Variants in ADAMTS16 observed in about 807,000 individuals in gnomAD.
ADAMTS16 encodes A disintegrin and metalloproteinase with thrombospondin motifs 16.
A neutral mutation model predicts 145.8 loss-of-function variants in ADAMTS16; 94 were observed. The observed-to-expected ratio is 0.64, with a 90% CI of 0.55 to 0.77. The LOEUF is 0.77. Among genes scored for constraint, ADAMTS16 ranks in the 30% least tolerant of loss-of-function variants. The pLI is 0.00. For synonymous variants in ADAMTS16, 659 were observed against 604.3 expected, an observed-to-expected ratio of 1.09 and a Z score of -1.33; for missense variants, 1,585 against 1,591.5, an observed-to-expected ratio of 1.00 and a Z score of 0.07.
At chr5:5,224,199 T>C (rs1736687582) in intron 11 of ADAMTS16, among the ~76,000 whole-genome samples, 1 of 152,170 alleles carries the variant, frequency 6.6e-6, no homozygotes, top group Admixed American at 6.5e-5. Context: ...AAATTGATCA[T>C]TGAATTCTTC....
chr5:5,214,566 C>A lies in ADAMTS16; in HGVS notation c.1605+5320C>A, dbSNP rs1736370725. On this transcript the variant is annotated intron_variant, in intron 10 of 22. Coordinates refer to ENST00000274181, the MANE Select transcript of ADAMTS16 (RefSeq NM_139056.4). ...TACAGGTGCATGCCACCATGCCTGGCTAATTTTTTGTATTTTTTGTTGAGA... is the reference window on the plus strand; with the variant it reads ...TACAGGTGCATGCCACCATGCCTGGATAATTTTTTGTATTTTTTGTTGAGA... Among the ~76,000 whole-genome samples the A allele has an allele frequency of 2.0e-5, 3 of 152,084 alleles. 1 individual carries two copies. In the South Asian group the frequency reaches 6.2e-4, roughly 32 times the overall value.
intron 3 of ADAMTS16, among the ~76,000 whole-genome samples, chr5:5,156,228 G>A (rs1032886706): frequency 8.6e-5 from 13 of 151,746 alleles, no homozygotes; most frequent in African/African-American, 2.7e-4. Context: ...CGATTTCTTT[G>A]TATAATCAAG....
chr5:5,242,218 G>A, intron 17 of ADAMTS16, 27 bp downstream of exon 17: 1 of 1,610,428 alleles, frequency 6.2e-7, no homozygotes, highest in Non-Finnish European at 8.5e-7. Context: ...GCTGCTCCTG[G>A]AGGCAGCATG....
chr5:5,145,347 G>A (rs1458764384), intron 2 of ADAMTS16, among the ~76,000 whole-genome samples: 4 of 152,092 alleles, frequency 2.6e-5, no homozygotes. Context: ...CTAGGCTCTT[G>A]AGGCCACTGG....
Position 5,239,290 on chromosome 5 carries a change from C to G in ADAMTS16, c.2278+16C>G, listed in dbSNP as rs1274850948. The stretch of plus-strand genomic sequence containing the variant: ...CACACCAACCGTGAGTACTTTAGAG[C>G]TGCCTGCAAGCCTTGGGCAAAGAAG... On this transcript the variant is annotated intron_variant, in intron 15 of 22. Coordinates refer to ENST00000274181, the MANE Select transcript of ADAMTS16 (RefSeq NM_139056.4). 3 of 1,530,504 alleles carry G rather than the reference C, an allele frequency of 2.0e-6. No individual in the cohort carries two copies. Among genetic ancestry groups the G allele is most frequent in the East Asian group, 2.3e-5 (1 of 43,444 alleles). 94.8% of individuals were successfully genotyped at this position (1,530,504 alleles called of 1,614,324 possible). A position where few individuals can be genotyped will look rare whatever the true frequency, so the allele number is the denominator to read the frequency against.
chr5:5,163,484 G>A (rs1734792061), intron 3 of ADAMTS16, among the ~76,000 whole-genome samples: 1 of 152,176 alleles, frequency 6.6e-6, no homozygotes, highest in Non-Finnish European at 1.5e-5. Flanking sequence ...TACAACTGGG[G>A]CTGGAATTTA....
intron 17 of ADAMTS16, 132 bp from the exon 18 acceptor site, chr5:5,262,525 A>T: frequency 8.0e-7 from 1 of 1,254,262 alleles, no homozygotes; most frequent in Admixed American, 2.7e-5. Flanking sequence ...ATAGTTGGCC[A>T]GTTGGTCATT....
At chr5:5,228,706 A>G (rs1736836688) in intron 11 of ADAMTS16, among the ~76,000 whole-genome samples, 1 of 152,192 alleles carries the variant, frequency 6.6e-6, no homozygotes, top group South Asian at 2.1e-4. Context: ...CTTCAAAGAG[A>G]CTTTTCTCCC....
chr5:5,181,568 C>T (rs1735340185), intron 3 of ADAMTS16, among the ~76,000 whole-genome samples: 1 of 152,162 alleles, frequency 6.6e-6, no homozygotes, highest in African/African-American at 2.4e-5. Context: ...TTACCCTTTT[C>T]TAGAAAGTGT....
At chr5:5,256,176 T>C (rs1737774233) in intron 17 of ADAMTS16, among the ~76,000 whole-genome samples, 1 of 152,234 alleles carries the variant, frequency 6.6e-6, no homozygotes, top group Admixed American at 6.5e-5. Context: ...GATTCTACTG[T>C]CCCTCATAAG....
intron 18 of ADAMTS16, among the ~76,000 whole-genome samples, chr5:5,297,487 G>T (rs6873123): frequency 0.021 from 3,252 of 152,228 alleles, 111 homozygotes; most frequent in African/African-American, 0.075. Flanking sequence ...CAGATGAGGG[G>T]TTTTTGTTGA....
intron 3 of ADAMTS16, among the ~76,000 whole-genome samples, chr5:5,153,780 C>A (rs1247813319): frequency 1.3e-5 from 2 of 152,150 alleles, no homozygotes; most frequent in African/African-American, 2.4e-5. Context: ...GGCATAAAAT[C>A]TGCATGAAAT....
At chr5:5,292,339 T>C (rs1739357730) in intron 18 of ADAMTS16, among the ~76,000 whole-genome samples, 1 of 151,532 alleles carries the variant, frequency 6.6e-6, no homozygotes, top group East Asian at 1.9e-4. Flanking sequence ...CTACTAAAAA[T>C]ACAAAAAATT....
intron 17 of ADAMTS16, among the ~76,000 whole-genome samples, chr5:5,244,606 T>C (rs566020008): frequency 6.6e-5 from 10 of 152,280 alleles, no homozygotes; most frequent in African/African-American, 1.9e-4. Context: ...GGTAACTTGG[T>C]TCAAACAGGT....
At chr5:5,305,163 ATATCCCACAC>A (rs1740031019) in intron 20 of ADAMTS16, among the ~76,000 whole-genome samples, 1 of 36,526 alleles carries the variant, frequency 2.7e-5, no homozygotes, top group Non-Finnish European at 5.7e-5. Context: ...ACACACACAC[ATATCCCACAC>A]CACACACACA....
chr5:5,153,996 A>G (rs1290127456), intron 3 of ADAMTS16, among the ~76,000 whole-genome samples: 1 of 152,034 alleles, frequency 6.6e-6, no homozygotes, highest in Admixed American at 6.6e-5. Flanking sequence ...TTCTACCCAC[A>G]AACTCCAGGG....
intron 18 of ADAMTS16, among the ~76,000 whole-genome samples, chr5:5,266,449 G>A (rs986721099): frequency 2.0e-5 from 3 of 152,256 alleles, no homozygotes; most frequent in Non-Finnish European, 2.9e-5. Context: ...GAGCAACTAA[G>A]TCCTTTCCCT....
In ADAMTS16 at chr5:5,239,245, G is replaced by T; in HGVS notation, c.2249G>T (p.Gly750Val). The T allele has an allele frequency of 1.3e-6, 2 of 1,594,424 alleles. No homozygotes were observed. Among genetic ancestry groups the T allele is most frequent in the Non-Finnish European group, 1.7e-6 (2 of 1,172,268 alleles). Residue 750 changes from glycine to valine, a missense_variant, in exon 15 of 23, where the codon GGT (glycine) becomes GTT (valine). By Grantham distance (109) the Gly-to-Val change is moderately radical. Around this residue, in one of 3 missense-constraint regions of ADAMTS16, gnomAD observed 834 missense variants for 811.7 expected, o/e 1.03. Transcript: ENST00000274181. ...AACTCAGCCTGCACGATTCACAGGG[G>T]TCTCTACACCAAGCACCACCACACC... ...GNNSACTIHR[G>V]LYTKHHHTNQ...
chr5:5,303,203 T>C (rs1156443661), intron 18 of ADAMTS16, 65 bp from the exon 19 acceptor site: 3 of 1,450,450 alleles, frequency 2.1e-6, no homozygotes, highest in Non-Finnish European at 1.8e-6. Flanking sequence ...CCACATCAGA[T>C]GTGGGGCCGC....
Sources: allele counts gnomAD v4.1 joint callset (sites outside exome capture counted in the v4.1 genomes callset), GRCh38; gene constraint gnomAD v4.1.1; regional missense constraint gnomAD v4.1.1; transcripts MANE v1.5; gene names NCBI Gene and HGNC (gene_info 2026-07-23, HGNC 2026-07-21).